CUX1: variants seen among roughly 807,000 people sequenced by gnomAD.
CUX1 encodes protein CASP.
A neutral mutation model predicts 158.8 loss-of-function variants in CUX1; 31 were observed. The ratio of observed to expected loss-of-function variants is 0.20; its 90% CI spans 0.15 to 0.26. The LOEUF (loss-of-function observed/expected upper bound fraction) is 0.26. Among genes scored for constraint, CUX1 ranks in the 10% least tolerant of loss-of-function variants. The probability of loss-of-function intolerance (pLI) is 1.00; values close to 1 mark genes in which losing one functional copy is unlikely to be tolerated. For missense variants in CUX1, 1,589 were observed against 2,014.6 expected (o/e 0.79, Z 4.04); for synonymous variants, 879 against 862.1 (o/e 1.02, Z -0.34).
At chr7:102,046,645 C>T (rs1196313870) in intron 3 of CUX1, among the ~76,000 whole-genome samples, 12 of 145,318 alleles carry the variant, frequency 8.3e-5, no homozygotes, top group African/African-American at 3.1e-4. Flanking sequence ...TGCACGATCA[C>T]AGCTCACTGC....
rs181471241 is a variant in CUX1, at chr7:102,023,171, C to T, written c.142-4927C>T. Reference sequence around the variant, plus strand: ...TGGAGGTTGCAGTGAGCCGAGGTCACGTCACTGCACTCCAGCCTGGGTGAC... The same window carrying T: ...TGGAGGTTGCAGTGAGCCGAGGTCATGTCACTGCACTCCAGCCTGGGTGAC... On this transcript the variant is annotated intron_variant, in intron 2 of 23. Transcript: ENST00000292535. 2.6e-4 allele frequency among the ~76,000 whole-genome samples: 39 copies of T among 152,052 alleles called. No homozygotes were observed. The East Asian group carries it at 4.7e-3, about 18-fold the overall frequency.
At chr7:101,883,250 G>A (rs1414781114) in intron 1 of CUX1, among the ~76,000 whole-genome samples, 3 of 152,128 alleles carry the variant, frequency 2.0e-5, no homozygotes, top group Non-Finnish European at 4.4e-5. Context: ...GGGTGAGTTC[G>A]TCACACAGTC....
At chr7:101,881,957 C>T (rs923656835) in intron 1 of CUX1, among the ~76,000 whole-genome samples, 3 of 151,590 alleles carry the variant, frequency 2.0e-5, no homozygotes, top group Admixed American at 6.6e-5. Flanking sequence ...GCAGGAGGAT[C>T]GCTTGAGCCC....
intron 10 of CUX1, among the ~76,000 whole-genome samples, chr7:102,176,838 G>C (rs1258085465): frequency 1.3e-5 from 2 of 151,688 alleles, no homozygotes; most frequent in Admixed American, 6.6e-5. Context: ...CTCCCAAAGT[G>C]CTTGGATTAC....
Position 102,255,902 on chromosome 7 carries a change from T to C in CUX1, c.*6860T>C. The C allele has an allele frequency of 3.0e-6, 3 of 985,438 alleles. No individual in the cohort carries two copies. The highest frequency in any genetic ancestry group is 3.6e-6 in the Non-Finnish European group (3 of 829,902). The allele number at this position is 985,438 out of a possible 1,614,324, so 61.0% of individuals were successfully genotyped here. On this transcript the variant is annotated 3_prime_UTR_variant, in exon 24 of 24. Transcript: ENST00000292535. ...AATAGATGACTATGTGTAAAAGCTC[T>C]GTGCAATTGAAATCATTTTTCTTCA...
chr7:102,237,247 G>C (rs1427701306), intron 22 of CUX1, among the ~76,000 whole-genome samples: 1 of 152,014 alleles, frequency 6.6e-6, no homozygotes, highest in Non-Finnish European at 1.5e-5. Flanking sequence ...TATTTTTTTA[G>C]AGACAGGGTC....
intron 2 of CUX1, among the ~76,000 whole-genome samples, chr7:101,979,146 T>A (rs542851505): frequency 4.6e-5 from 7 of 152,092 alleles, no homozygotes; most frequent in Admixed American, 6.6e-5. Flanking sequence ...CTCGGGAACA[T>A]GTTGACCACT....
chr7:102,088,031 T>C (rs1270233467), intron 4 of CUX1, among the ~76,000 whole-genome samples: 2 of 150,988 alleles, frequency 1.3e-5, no homozygotes, highest in Admixed American at 6.6e-5. Context: ...AGAGTCTTGC[T>C]CTGTCACCCA....
chr7:102,243,153 A>G (rs1368606868), intron 23 of CUX1, among the ~76,000 whole-genome samples: 6 of 152,228 alleles, frequency 3.9e-5, no homozygotes, highest in East Asian at 1.9e-4. Flanking sequence ...GTGCGCCTGT[A>G]ATCCCAGCTG....
chr7:102,147,622 C>G (rs938701246), intron 8 of CUX1, among the ~76,000 whole-genome samples: 3 of 152,208 alleles, frequency 2.0e-5, no homozygotes, highest in African/African-American at 7.2e-5. Flanking sequence ...GAATTCTACC[C>G]TTTCTGCCCT....
At position 102,201,974 on chromosome 7, in the gene CUX1, T is replaced by C; in HGVS notation, c.2677T>C (p.Ser893Pro). Residue 893 changes from serine to proline, a missense_variant, in exon 18 of 24, where the codon TCA (serine) becomes CCA (proline). By Grantham distance (74) the Ser-to-Pro change is moderately conservative (BLOSUM62 -1). Transcript: ENST00000292535. The surrounding 1 kb of genome is among the most constrained non-coding windows in gnomAD (Gnocchi z 5.0). ...CGCTGAGTCCCCATACTCCCAGAGC[T>C]CAGAGCTGAGTCTGACCGGGGCCAG... Reference protein sequence around the residue: ...PSAESPYSQSSELSLTGASRS... With the variant: ...PSAESPYSQSPELSLTGASRS... The C allele has an allele frequency of 6.2e-7, 1 of 1,613,790 alleles. No individual in the cohort carries two copies. The highest frequency in any genetic ancestry group is 2.2e-5 in the East Asian group (1 of 44,840).
intron 1 of CUX1, among the ~76,000 whole-genome samples, chr7:101,836,046 A>G (rs1319013194): frequency 6.6e-6 from 1 of 152,182 alleles, no homozygotes; most frequent in African/African-American, 2.4e-5. Flanking sequence ...TTACTTTAAA[A>G]TGTACGATTA....
At chr7:101,866,714 C>T (rs1051676360) in intron 1 of CUX1, among the ~76,000 whole-genome samples, 2 of 151,960 alleles carry the variant, frequency 1.3e-5, no homozygotes, top group African/African-American at 2.4e-5. Flanking sequence ...ATGAACAGCT[C>T]GTTAAATAAA....
intron 15 of CUX1, 63 bp from the exon 16 acceptor site, chr7:102,198,739 C>G: frequency 1.4e-6 from 2 of 1,406,936 alleles, no homozygotes; most frequent in Non-Finnish European, 2.0e-6. Flanking sequence ...GTCACACAGC[C>G]CATATCGTCA....
chr7:101,834,746 C>A (rs920848334), intron 1 of CUX1, among the ~76,000 whole-genome samples: 1 of 152,042 alleles, frequency 6.6e-6, no homozygotes, highest in Non-Finnish European at 1.5e-5. Context: ...GGCCTGTAAT[C>A]CCAGCACTTT....
At chr7:101,829,047 T>C (rs189569708) in intron 1 of CUX1, among the ~76,000 whole-genome samples, 65 of 152,224 alleles carry the variant, frequency 4.3e-4, no homozygotes, top group African/African-American at 1.5e-3. Flanking sequence ...TGCCAAAGTC[T>C]GGAAGATGAG....
At chr7:101,895,372 T>C (rs564100811) in intron 1 of CUX1, among the ~76,000 whole-genome samples, 6 of 151,988 alleles carry the variant, frequency 3.9e-5, no homozygotes, top group African/African-American at 1.2e-4. Flanking sequence ...TGGATCCCAA[T>C]GGTAAGGGCC....
chr7:102,008,555 C>A (rs1265613907), intron 2 of CUX1, among the ~76,000 whole-genome samples: 1 of 152,108 alleles, frequency 6.6e-6, no homozygotes, highest in African/African-American at 2.4e-5. Context: ...GTGCAGAGTG[C>A]GTGTCTGTCC....
At position 102,196,766 on chromosome 7, in the gene CUX1, C is replaced by T. The variant is rs782683363; in HGVS notation, c.1355C>T (p.Ser452Leu). 2 of 1,614,052 alleles carry T rather than the reference C, an allele frequency of 1.2e-6. No homozygotes were observed. Residue 452 changes from serine to leucine, a missense_variant, in exon 15 of 24, where the codon TCA becomes TTA. By Grantham distance (145) the Ser-to-Leu change is moderately radical (BLOSUM62 -2). Transcript: ENST00000292535. The stretch of plus-strand genomic sequence containing the variant: ...AATACTAATGGTACACACCAGTTCT[C>T]ACCAGCGGGGTTAAGTCAAGACTTT... ...ASNTNGTHQF[S>L]PAGLSQDFFS...
Sources: allele counts gnomAD v4.1 joint callset (sites outside exome capture counted in the v4.1 genomes callset), GRCh38; gene constraint gnomAD v4.1.1; non-coding constraint Gnocchi (gnomAD v3.1); transcripts MANE v1.5; gene names NCBI Gene and HGNC (gene_info 2026-07-23, HGNC 2026-07-21).